NELL1: variants seen among roughly 807,000 people sequenced by gnomAD.
NELL1 encodes protein kinase C-binding protein NELL1.
Under a neutral mutation model 107.4 loss-of-function variants are expected in NELL1, and 76 were observed. The observed-to-expected ratio is 0.71, with a 90% CI of 0.59 to 0.86. The LOEUF is 0.86. Among genes scored for constraint, NELL1 ranks in the 40% least tolerant of loss-of-function variants. The pLI, the probability that NELL1 is intolerant of heterozygous loss-of-function variation, is 0.00. For synonymous variants in NELL1, 353 were observed against 341.2 expected (o/e 1.03, Z -0.38); for missense variants, 1,024 against 1,005.5 (o/e 1.02, Z -0.25).
At chr11:20,864,197 A>C (rs1356457301) in intron 4 of NELL1, among the ~76,000 whole-genome samples, 1 of 152,152 alleles carries the variant, frequency 6.6e-6, no homozygotes, top group African/African-American at 2.4e-5. Flanking sequence ...TTTAAATAGA[A>C]AATTGTATGT....
intron 2 of NELL1, among the ~76,000 whole-genome samples, chr11:20,696,986 C>G (rs1854634849): frequency 6.6e-6 from 1 of 152,072 alleles, no homozygotes; most frequent in Non-Finnish European, 1.5e-5. Flanking sequence ...GGCTAAAACT[C>G]AATGATTGGT....
At chr11:20,704,560 G>T (rs1335972242) in intron 2 of NELL1, among the ~76,000 whole-genome samples, 1 of 152,118 alleles carries the variant, frequency 6.6e-6, no homozygotes, top group Non-Finnish European at 1.5e-5. Flanking sequence ...ATGTTAGCTG[G>T]TTATTTTGCT....
chr11:21,317,077 A>T (rs963983395), intron 14 of NELL1, among the ~76,000 whole-genome samples: 8 of 152,148 alleles, frequency 5.3e-5, no homozygotes, highest in Admixed American at 4.6e-4. Flanking sequence ...AAATACTAGA[A>T]TTGATAATAA....
intron 4 of NELL1, among the ~76,000 whole-genome samples, chr11:20,869,120 G>A (rs961975040): frequency 1.3e-5 from 2 of 152,062 alleles, no homozygotes; most frequent in African/African-American, 4.8e-5. Flanking sequence ...AAGTGGAGAG[G>A]CTCATAAGGC....
chr11:21,545,223 C>G (rs1362798677), intron 16 of NELL1, among the ~76,000 whole-genome samples: 1 of 150,116 alleles, frequency 6.7e-6, no homozygotes. Flanking sequence ...TTTAAAATGA[C>G]ATTTACGAGG....
At chr11:21,045,520 C>T (rs1192558459) in intron 12 of NELL1, among the ~76,000 whole-genome samples, 1 of 152,218 alleles carries the variant, frequency 6.6e-6, no homozygotes, top group South Asian at 2.1e-4. Context: ...CTATCACCTT[C>T]TTCCTCACAA....
chr11:21,065,016 T>C (rs1205825385), intron 12 of NELL1, among the ~76,000 whole-genome samples: 2 of 152,182 alleles, frequency 1.3e-5, no homozygotes, highest in African/African-American at 4.8e-5. Flanking sequence ...AATGATACAG[T>C]GGTACATTGT....
intron 2 of NELL1, among the ~76,000 whole-genome samples, chr11:20,701,968 C>T (rs146400280): frequency 1.5e-4 from 23 of 152,266 alleles, no homozygotes; most frequent in African/African-American, 5.1e-4. Context: ...GTTCTTTTGG[C>T]TCAGAATTGT....
intron 13 of NELL1, among the ~76,000 whole-genome samples, chr11:21,222,690 CT>C (rs1857788827): frequency 6.6e-6 from 1 of 151,966 alleles, no homozygotes; most frequent in Admixed American, 6.6e-5. Context: ...CCTTTTAATA[CT>C]GGTTTTACTT....
intron 14 of NELL1, among the ~76,000 whole-genome samples, chr11:21,309,299 TGTATATATATATA>T (rs1407078562): frequency 2.6e-5 from 2 of 75,972 alleles, no homozygotes; most frequent in Admixed American, 3.2e-4. Flanking sequence ...TATATATATA[TGTATATATATATA>T]ATATATATAT....
intron 3 of NELL1, among the ~76,000 whole-genome samples, chr11:20,838,424 C>T (rs78921308): frequency 0.021 from 3,107 of 151,240 alleles, 99 homozygotes; most frequent in African/African-American, 0.072. Flanking sequence ...GGTTAATAAT[C>T]TATTAATATT....
At chr11:21,152,833 T>G (rs1471295744) in intron 13 of NELL1, among the ~76,000 whole-genome samples, 1 of 152,200 alleles carries the variant, frequency 6.6e-6, no homozygotes, top group African/African-American at 2.4e-5. Flanking sequence ...TCTTTTGAGC[T>G]ATTTCCAGAG....
intron 3 of NELL1, among the ~76,000 whole-genome samples, chr11:20,821,946 C>T (rs1189135704): frequency 6.6e-6 from 1 of 152,208 alleles, no homozygotes; most frequent in Admixed American, 6.5e-5. Flanking sequence ...CTAGTTCCCA[C>T]TGGGTAGGCA....
intron 5 of NELL1, among the ~76,000 whole-genome samples, chr11:20,889,874 GC>G (rs1849583322): frequency 2.0e-5 from 3 of 152,174 alleles, no homozygotes; most frequent in African/African-American, 7.2e-5. Context: ...TGAGCCCCTA[GC>G]GGGAGAGGTG....
At chr11:21,281,914 G>T (rs1320279060) in intron 14 of NELL1, among the ~76,000 whole-genome samples, 1 of 152,188 alleles carries the variant, frequency 6.6e-6, no homozygotes, top group Non-Finnish European at 1.5e-5. Context: ...ATCAGAGGAA[G>T]TCTCCTGGAT....
At chr11:21,569,927 G>C (rs537029492) in intron 17 of NELL1, among the ~76,000 whole-genome samples, 42 of 151,896 alleles carry the variant, frequency 2.8e-4, no homozygotes, top group African/African-American at 9.9e-4. Context: ...TTATTAGCAT[G>C]AATGGTGATG....
chr11:20,883,879 A>C (rs1182589208), intron 4 of NELL1, among the ~76,000 whole-genome samples: 1 of 152,168 alleles, frequency 6.6e-6, no homozygotes, highest in Admixed American at 6.5e-5. Flanking sequence ...AAAAATTTTA[A>C]AGGAAGTGTG....
At chr11:21,247,519 C>T (rs936600863) in intron 14 of NELL1, among the ~76,000 whole-genome samples, 1 of 152,106 alleles carries the variant, frequency 6.6e-6, no homozygotes, top group African/African-American at 2.4e-5. Flanking sequence ...CTGTCTTCCA[C>T]CTCCAACTTT....
At chr11:21,175,021 A>G (rs1856683414) in intron 13 of NELL1, among the ~76,000 whole-genome samples, 1 of 151,828 alleles carries the variant, frequency 6.6e-6, no homozygotes, top group Admixed American at 6.6e-5. Flanking sequence ...CAGGACAAAC[A>G]TGACCTAAAA....
Sources: allele counts gnomAD v4.1 joint callset (sites outside exome capture counted in the v4.1 genomes callset), GRCh38; gene constraint gnomAD v4.1.1; transcripts MANE v1.5; gene names NCBI Gene and HGNC (gene_info 2026-07-23, HGNC 2026-07-21).